FECH: variants seen among roughly 807,000 people sequenced by gnomAD.
The protein encoded by FECH is ferrochelatase, mitochondrial.
In FECH, 40 loss-of-function variants were observed where a neutral mutation model predicts 56.9. That is an observed-to-expected ratio of 0.70 (90% CI 0.55 to 0.92). FECH has a LOEUF of 0.92. FECH is among the 40% of genes least tolerant of loss of function. FECH has a pLI of 0.00. For synonymous variants in FECH, 175 were observed against 198.6 expected, an observed-to-expected ratio of 0.88 and a Z score of 1.00; for missense variants, 431 against 529.1, an observed-to-expected ratio of 0.81 and a Z score of 1.82.
At chr18:57,551,015 T>C (rs1004063067) in intron 10 of FECH, among the ~76,000 whole-genome samples, 169 bp from the exon 11 acceptor site, 2 of 152,178 alleles carry the variant, frequency 1.3e-5, no homozygotes, top group Non-Finnish European at 2.9e-5. Flanking sequence ...CTGAGAATCC[T>C]CAGCTTACAG....
rs1055653328 is a variant in FECH, at chr18:57,546,733, G to T, written c.*3979C>A. Among the ~76,000 whole-genome samples, 1 of 151,752 alleles carries T rather than the reference G, an allele frequency of 6.6e-6. No individual in the cohort carries two copies. Among genetic ancestry groups the T allele is most frequent in the Admixed American group, 6.6e-5 (1 of 15,230 alleles). ...CCCAACACTTTCAGAGGCTGAGGCGGGTGGATCACGAGGTCAGGAATTAGA... is the reference window on the plus strand; with the variant it reads ...CCCAACACTTTCAGAGGCTGAGGCGTGTGGATCACGAGGTCAGGAATTAGA... On this transcript the variant is annotated 3_prime_UTR_variant, in exon 11 of 11. Transcript: ENST00000262093.
rs868214359 is a variant in FECH, at chr18:57,546,854, G to A, written c.*3858C>T. On this transcript the variant is annotated 3_prime_UTR_variant, in exon 11 of 11. Transcript: ENST00000262093. ...CACGCCTGAGTAGCCCAGCTACTCC[G>A]GAGGCTGAGGCAGGATGATCCTTTG... 6.0e-4 allele frequency among the ~76,000 whole-genome samples: 91 copies of A among 151,928 alleles called. No individual in the cohort carries two copies. In the Middle Eastern group the frequency reaches 0.01, roughly 17 times the overall value.
rs1193675821 is a variant in FECH at position 57,586,633 on chromosome 18, C to T, written c.-13G>A. On this transcript the variant is annotated 5_prime_UTR_variant, in exon 1 of 11. Transcript: ENST00000262093. Reference sequence around the variant, plus strand: ...CGAGTGAACGCATTGCCTGGGCAGCCTCGGCCCGAGTCCGGGCTCCTCCCG... The same window carrying T: ...CGAGTGAACGCATTGCCTGGGCAGCTTCGGCCCGAGTCCGGGCTCCTCCCG... 2.0e-6 allele frequency: 3 copies of T among 1,510,148 alleles called. No individual in the cohort carries two copies. The highest frequency in any genetic ancestry group is 1.4e-5 in the African/African-American group (1 of 69,260). The allele number at this position is 1,510,148 out of a possible 1,614,324, so 93.5% of individuals were successfully genotyped here.
chr18:57,567,537 T>A (rs1490361560), intron 4 of FECH, among the ~76,000 whole-genome samples: 1 of 152,204 alleles, frequency 6.6e-6, no homozygotes, highest in Admixed American at 6.5e-5. Context: ...GGATTACACA[T>A]AACTTACACT....
rs886053997 is a variant in FECH at position 57,550,657 on chromosome 18, G to A, written c.*55C>T. 3.9e-5 allele frequency: 63 copies of A among 1,606,584 alleles called. No individual in the cohort carries two copies. Among genetic ancestry groups the A allele is most frequent in the Middle Eastern group, 1.7e-4 (1 of 6,060 alleles). ...CTCTAAATAACACCCTCTCCACATCGGAGGTATCTGGAGGTTGGGCATTTG... is the reference window on the plus strand; with the variant it reads ...CTCTAAATAACACCCTCTCCACATCAGAGGTATCTGGAGGTTGGGCATTTG... On this transcript the variant is annotated 3_prime_UTR_variant, in exon 11 of 11. Transcript: ENST00000262093.
In FECH at chr18:57,547,162, G is replaced by C. The variant is rs1428539046; in HGVS notation, c.*3550C>G. On this transcript the variant is annotated 3_prime_UTR_variant, in exon 11 of 11. Transcript: ENST00000262093. ...TAATGTTACAGGCTCACAGGCAGAA[G>C]GGACTTGCCTTGTCTTGGATGAGAC... Among the ~76,000 whole-genome samples, 1 of 152,068 alleles carries C rather than the reference G, an allele frequency of 6.6e-6. No homozygotes were observed. The highest frequency in any genetic ancestry group is 1.9e-4 in the East Asian group (1 of 5,192).
intron 1 of FECH, among the ~76,000 whole-genome samples, chr18:57,584,664 A>T (rs910493575): frequency 6.6e-5 from 10 of 151,922 alleles, no homozygotes; most frequent in African/African-American, 2.2e-4. Flanking sequence ...CACCGTTTTT[A>T]AAATTAACAA....
chr18:57,565,872 A>C (rs2051009280), intron 5 of FECH, among the ~76,000 whole-genome samples: 1 of 152,232 alleles, frequency 6.6e-6, no homozygotes, highest in African/African-American at 2.4e-5. Flanking sequence ...AACACCAATT[A>C]TTCCCCAGCT....
intron 1 of FECH, 93 bp from the exon 2 acceptor site, chr18:57,580,292 T>A: frequency 6.8e-7 from 1 of 1,478,106 alleles, no homozygotes; most frequent in Non-Finnish European, 9.3e-7. Context: ...CTTTAAAATT[T>A]AAAGAGATCC....
At position 57,548,653 on chromosome 18, in the gene FECH, T is replaced by C. The variant is rs535952509; in HGVS notation, c.*2059A>G. The C allele has an allele frequency of 6.6e-6, 1 of 152,328 alleles. No homozygotes were observed. The highest frequency in any genetic ancestry group is 2.1e-4 in the South Asian group (1 of 4,828). The allele number at this position is 152,328 out of a possible 1,614,324, so 9.4% of individuals were successfully genotyped here. A position where few individuals can be genotyped will look rare whatever the true frequency, so the allele number is the denominator to read the frequency against. ...CTAATGTATGACCGTTACCCATCCG[T>C]GGTTAGTAACAATCAAAGGCAACAC... On this transcript the variant is annotated 3_prime_UTR_variant, in exon 11 of 11. Coordinates refer to ENST00000262093, the MANE Select transcript of FECH (RefSeq NM_000140.5).
rs779041739 is a variant in FECH at position 57,580,139 on chromosome 18, G to A, written c.128C>T (p.Ala43Val). The change falls in exon 2 of 11, where the codon GCG (alanine) becomes GTG (valine). Residue 43 changes from alanine (A) to valine (V), a missense_variant. Coordinates refer to ENST00000262093, the MANE Select transcript of FECH (RefSeq NM_000140.5). ...PWRWKSGAAA[A>V]AVTTETAQHA... Reference sequence around the variant, plus strand: ...CTGGGCTGTTTCTGTGGTGACGGCCGCTGCAGCTGCACCTGACTTCCACCT... The same window carrying A: ...CTGGGCTGTTTCTGTGGTGACGGCCACTGCAGCTGCACCTGACTTCCACCT... The A allele has an allele frequency of 1.2e-5, 19 of 1,614,028 alleles. No individual in the cohort carries two copies. The highest frequency in any genetic ancestry group is 4.0e-5 in the African/African-American group (3 of 74,914).
chr18:57,570,028 TTGTCGTGTGTGTGTGTGTG>T (rs1444670188), intron 4 of FECH, among the ~76,000 whole-genome samples: 19 of 101,964 alleles, frequency 1.9e-4, no homozygotes, highest in African/African-American at 4.3e-4. Context: ...GTTGTTGTTG[TTGTCGTGTGTGTGTGTGTG>T]TGTGTGTGTG....
intron 1 of FECH, 25 bp downstream of exon 1, chr18:57,586,529 C>A (rs1403131966): frequency 6.6e-7 from 1 of 1,518,502 alleles, no homozygotes; most frequent in Non-Finnish European, 8.8e-7. Context: ...CTGGCCCTGG[C>A]GGCCGCCGCG....
chr18:57,547,659 G>T lies in FECH; in HGVS notation c.*3053C>A, dbSNP rs987414065. Among the ~76,000 whole-genome samples, 5 of 151,828 alleles carry T rather than the reference G, an allele frequency of 3.3e-5. No homozygotes were observed. The highest frequency in any genetic ancestry group is 2.0e-4 in the Admixed American group (3 of 15,252). On this transcript the variant is annotated 3_prime_UTR_variant, in exon 11 of 11. Coordinates refer to ENST00000262093, the MANE Select transcript of FECH (RefSeq NM_000140.5). ...TTCTTTTTTTTGGTTTTGGGACAGG[G>T]TCTTCCTCTGTCACCCAGGCTGGAG...
chr18:57,584,480 G>C (rs1042658446), intron 1 of FECH, among the ~76,000 whole-genome samples: 8 of 151,626 alleles, frequency 5.3e-5, no homozygotes. Flanking sequence ...AGGAAAAACA[G>C]AAAAAAAAGT....
At chr18:57,579,243 CT>C (rs36185974) in intron 2 of FECH, among the ~76,000 whole-genome samples, 5,445 of 71,280 alleles carry the variant, frequency 0.076, 371 homozygotes, top group African/African-American at 0.21. Context: ...GTGAGACTCT[CT>C]CAAAAAAAAA....
At chr18:57,564,353 A>T (rs2122291497) in intron 5 of FECH, among the ~76,000 whole-genome samples, 1 of 152,360 alleles carries the variant, frequency 6.6e-6, no homozygotes, top group South Asian at 2.1e-4. Context: ...AGGAAGGCAG[A>T]TGGTGTCAAC....
chr18:57,572,105 C>A (rs896876211), intron 3 of FECH, among the ~76,000 whole-genome samples: 2 of 152,006 alleles, frequency 1.3e-5, no homozygotes, highest in African/African-American at 4.8e-5. Flanking sequence ...ACCTATATAT[C>A]GATATAACGT....
chr18:57,551,880 CT>C (rs1296711533), intron 9 of FECH, among the ~76,000 whole-genome samples: 1 of 148,732 alleles, frequency 6.7e-6, no homozygotes, highest in African/African-American at 2.6e-5. Context: ...AAAATATATT[CT>C]TTTTTCTTTT....
Sources: gnomAD v4.1 joint callset for allele counts (sites outside exome capture counted in the v4.1 genomes callset) on GRCh38, gnomAD v4.1.1 for gene constraint, MANE v1.5 for transcripts, NCBI Gene and HGNC (gene_info 2026-07-23, HGNC 2026-07-21) for gene names.